The following RALYL variants were observed in gnomAD, a reference collection of about 807,000 sequenced individuals.
The protein encoded by RALYL is RALY RNA binding protein like.
RALYL carries 29 observed loss-of-function variants against 35.1 expected under a neutral mutation model. The ratio of observed to expected loss-of-function variants is 0.83; its 90% CI spans 0.61 to 1.13. The LOEUF (loss-of-function observed/expected upper bound fraction) is 1.13, where lower values mean the gene tolerates loss of function less well. RALYL is among the 50% of genes most tolerant of loss of function. The pLI is 0.00. For synonymous variants in RALYL, 120 were observed against 127.6 expected (o/e 0.94, Z 0.40); for missense variants, 359 against 360.4 (o/e 1.00, Z 0.03).
At chr8:84,251,474 T>G (rs542000944) in intron 1 of RALYL, among the ~76,000 whole-genome samples, 143 of 152,198 alleles carry the variant, frequency 9.4e-4, no homozygotes, top group Middle Eastern at 3.4e-3. Context: ...CAGTGCAAAC[T>G]GTTATTTTTT....
intron 8 of RALYL, among the ~76,000 whole-genome samples, chr8:84,897,933 G>A (rs535527438): frequency 1.3e-5 from 2 of 152,262 alleles, no homozygotes; most frequent in East Asian, 1.9e-4. Flanking sequence ...TCATACAATC[G>A]GGTGTAGGAA....
chr8:84,741,823 A>G (rs925855803), intron 2 of RALYL, among the ~76,000 whole-genome samples: 8 of 152,006 alleles, frequency 5.3e-5, no homozygotes, highest in African/African-American at 1.9e-4. Context: ...TACTTTAACA[A>G]AATTTAAGTT....
intron 5 of RALYL, among the ~76,000 whole-genome samples, chr8:84,857,617 T>C (rs375792918): frequency 1.4e-3 from 207 of 152,294 alleles, no homozygotes; most frequent in African/African-American, 4.4e-3. Context: ...TATTAGAATG[T>C]GGTGTATCTA....
intron 2 of RALYL, among the ~76,000 whole-genome samples, chr8:84,601,135 T>C (rs1186215861): frequency 1.3e-5 from 2 of 152,060 alleles, no homozygotes; most frequent in Non-Finnish European, 2.9e-5. Flanking sequence ...AATAGCATAG[T>C]TTTAATATTG....
chr8:84,361,799 A>G (rs1853097514), intron 1 of RALYL, among the ~76,000 whole-genome samples: 1 of 152,178 alleles, frequency 6.6e-6, no homozygotes, highest in African/African-American at 2.4e-5. Context: ...CACGAAGAGA[A>G]CTGGTGGGTG....
chr8:84,807,719 A>G (rs934266393), intron 4 of RALYL, among the ~76,000 whole-genome samples: 1 of 152,168 alleles, frequency 6.6e-6, no homozygotes, highest in African/African-American at 2.4e-5. Context: ...TTGCAGAAGT[A>G]AGCTAGTATT....
intron 2 of RALYL, among the ~76,000 whole-genome samples, chr8:84,585,239 G>A (rs1319906195): frequency 6.6e-6 from 1 of 152,074 alleles, no homozygotes; most frequent in Non-Finnish European, 1.5e-5. Context: ...TTCCCTGAAT[G>A]CATTAACCTT....
intron 1 of RALYL, among the ~76,000 whole-genome samples, chr8:84,527,225 C>T (rs1365017163): frequency 6.6e-6 from 1 of 151,938 alleles, no homozygotes; most frequent in East Asian, 1.9e-4. Context: ...ACACAGTTGT[C>T]AGTTTGGAGG....
chr8:84,805,263 A>G (rs1824321585), intron 4 of RALYL, among the ~76,000 whole-genome samples: 1 of 152,080 alleles, frequency 6.6e-6, no homozygotes, highest in African/African-American at 2.4e-5. Flanking sequence ...TTTCACTTTA[A>G]TTTCTCCAGT....
chr8:84,401,722 A>G (rs1395735057), intron 1 of RALYL, among the ~76,000 whole-genome samples: 1 of 151,070 alleles, frequency 6.6e-6, no homozygotes, highest in Non-Finnish European at 1.5e-5. Flanking sequence ...AACATCATGC[A>G]GTACATCAGA....
intron 1 of RALYL, among the ~76,000 whole-genome samples, chr8:84,493,911 GATCCC>G (rs555844587): frequency 9.5e-4 from 145 of 152,164 alleles, no homozygotes; most frequent in African/African-American, 2.9e-3. Flanking sequence ...AGTTTAATTA[GATCCC>G]ATTTGTCTAT....
intron 1 of RALYL, among the ~76,000 whole-genome samples, chr8:84,291,657 G>A (rs899320971): frequency 3.3e-5 from 5 of 151,884 alleles, no homozygotes; most frequent in African/African-American, 4.8e-5. Context: ...TTATAAAAAT[G>A]TGCTTACTAT....
At chr8:84,556,421 G>A (rs553192478) in intron 2 of RALYL, among the ~76,000 whole-genome samples, 1 of 152,180 alleles carries the variant, frequency 6.6e-6, no homozygotes, top group East Asian at 1.9e-4. Context: ...CAGCTAGTAA[G>A]TGTCAGAGTT....
intron 2 of RALYL, among the ~76,000 whole-genome samples, chr8:84,743,345 A>G (rs559935729): frequency 6.6e-6 from 1 of 151,980 alleles, no homozygotes; most frequent in Admixed American, 6.6e-5. Context: ...TTGAAACTGC[A>G]TGGGATCACA....
At chr8:84,885,294 C>T (rs949563018) in intron 7 of RALYL, among the ~76,000 whole-genome samples, 3 of 152,014 alleles carry the variant, frequency 2.0e-5, no homozygotes, top group Non-Finnish European at 4.4e-5. Flanking sequence ...TGAGTCTTCT[C>T]TAGATTAAAC....
chr8:84,304,154 G>GT (rs774643367), intron 1 of RALYL, among the ~76,000 whole-genome samples: 1 of 151,934 alleles, frequency 6.6e-6, no homozygotes, highest in Non-Finnish European at 1.5e-5. Flanking sequence ...GTCTCATTCT[G>GT]TTGCCCAGGC....
intron 1 of RALYL, among the ~76,000 whole-genome samples, chr8:84,277,974 G>A (rs1362061351): frequency 2.0e-5 from 3 of 152,216 alleles, no homozygotes; most frequent in Non-Finnish European, 4.4e-5. Context: ...GGGTCTGGAG[G>A]ATGGTGGCCA....
rs544847962 is a variant in RALYL, at chr8:84,186,386, A to G, written c.-24+1962A>G. On this transcript the variant is annotated intron_variant, in intron 1 of 8. Coordinates refer to ENST00000521268, the MANE Select transcript of RALYL (RefSeq NM_173848.7). The stretch of plus-strand genomic sequence containing the variant: ...AAAATCATTTCAATTATAACAATGT[A>G]TGTACATAGAAATGCTCATTTATTA... Among the ~76,000 whole-genome samples the G allele has an allele frequency of 5.6e-4, 86 of 152,348 alleles. 1 individual carries two copies. The highest frequency in any genetic ancestry group is 2.0e-3 in the African/African-American group (82 of 41,596).
At chr8:84,802,960 T>C (rs1022361020) in intron 3 of RALYL, among the ~76,000 whole-genome samples, 8 of 151,990 alleles carry the variant, frequency 5.3e-5, no homozygotes, top group Non-Finnish European at 8.8e-5. Context: ...TAATGAGACA[T>C]GGAGGCTGAA....
Sources: allele counts gnomAD v4.1 joint callset (sites outside exome capture counted in the v4.1 genomes callset), GRCh38; gene constraint gnomAD v4.1.1; transcripts MANE v1.5; gene names NCBI Gene and HGNC (gene_info 2026-07-23, HGNC 2026-07-21).